The following CNBD1 variants were observed in gnomAD, a reference collection of about 807,000 sequenced individuals.
CNBD1 encodes the protein cyclic nucleotide-binding domain-containing protein 1.
A neutral mutation model predicts 54.4 loss-of-function variants in CNBD1; 71 were observed. The observed-to-expected ratio is 1.30, with a 90% CI of 1.08 to 1.59. The LOEUF is 1.59. CNBD1 is among the 40% of genes most tolerant of loss of function. The pLI is 0.00. For synonymous variants in CNBD1, 182 were observed against 170.7 expected, an observed-to-expected ratio of 1.07 and a Z score of -0.51; for missense variants, 659 against 518.0, an observed-to-expected ratio of 1.27 and a Z score of -2.64.
rs572555873 is a variant in CNBD1 at position 86,918,357 on chromosome 8, T to A, written c.272+13163T>A. Among the ~76,000 whole-genome samples, 3 of 152,316 alleles carry A rather than the reference T, an allele frequency of 2.0e-5. No homozygotes were observed. In the East Asian group the frequency reaches 5.8e-4, roughly 29 times the overall value. ...AGAATATGTTATTAGAACATGTTTC[T>A]TTCCTCACTGGTTCATATTACACAG... On this transcript the variant is annotated intron_variant, in intron 3 of 10. Coordinates refer to ENST00000518476, the MANE Select transcript of CNBD1 (RefSeq NM_173538.3).
intron 4 of CNBD1, among the ~76,000 whole-genome samples, chr8:86,994,617 C>A (rs1808828477): frequency 6.6e-6 from 1 of 152,182 alleles, no homozygotes; most frequent in South Asian, 2.1e-4. Context: ...AGAGTGGGTT[C>A]TTTCTCTGTC....
chr8:86,960,270 A>G (rs1192817660), intron 4 of CNBD1, among the ~76,000 whole-genome samples: 2 of 152,118 alleles, frequency 1.3e-5, no homozygotes, highest in Non-Finnish European at 2.9e-5. Context: ...CTGGAAAATC[A>G]GGACACTCCC....
chr8:87,393,012 G>C (rs1341290111), intron 2 of CNBD1, among the ~76,000 whole-genome samples: 1 of 151,870 alleles, frequency 6.6e-6, no homozygotes, highest in Non-Finnish European at 1.5e-5. Context: ...GATTTATTTA[G>C]AGGTTTTTGA....
chr8:87,168,174 G>T (rs1310712165), intron 4 of CNBD1, among the ~76,000 whole-genome samples: 1 of 151,922 alleles, frequency 6.6e-6, no homozygotes, highest in Non-Finnish European at 1.5e-5. Flanking sequence ...TTGCCTTCTG[G>T]ATCCACACTG....
At chr8:87,329,744 C>A (rs1487313064) in intron 8 of CNBD1, among the ~76,000 whole-genome samples, 1 of 151,842 alleles carries the variant, frequency 6.6e-6, no homozygotes, top group Admixed American at 6.6e-5. Context: ...TGTATATTAA[C>A]CTTGTATCCG....
At chr8:87,054,419 G>T (rs1157333215) in intron 4 of CNBD1, among the ~76,000 whole-genome samples, 2 of 152,132 alleles carry the variant, frequency 1.3e-5, no homozygotes, top group Non-Finnish European at 2.9e-5. Context: ...CCCATTGAGG[G>T]CTATCATTGA....
chr8:87,171,298 T>C (rs1186038053), intron 4 of CNBD1, among the ~76,000 whole-genome samples: 2 of 152,170 alleles, frequency 1.3e-5, no homozygotes, highest in Admixed American at 1.3e-4. Context: ...TTTTGCAATA[T>C]GTTGGTGGCA....
At chr8:86,986,423 G>A (rs1808608917) in intron 4 of CNBD1, among the ~76,000 whole-genome samples, 2 of 152,022 alleles carry the variant, frequency 1.3e-5, no homozygotes, top group Non-Finnish European at 1.5e-5. Context: ...GAACTTTGAT[G>A]GATGCATAGT....
intron 4 of CNBD1, among the ~76,000 whole-genome samples, chr8:87,105,889 G>C (rs895682708): frequency 3.3e-5 from 5 of 152,026 alleles, no homozygotes; most frequent in African/African-American, 1.2e-4. Context: ...CACATTTTGT[G>C]ATTTTTGTCA....
intron 4 of CNBD1, among the ~76,000 whole-genome samples, chr8:87,024,879 T>C (rs1373358314): frequency 6.6e-6 from 1 of 152,178 alleles, no homozygotes. Context: ...AAACTGTTTT[T>C]TGAGAATAAA....
chr8:87,075,088 A>G (rs761173760), intron 4 of CNBD1, among the ~76,000 whole-genome samples: 3 of 152,212 alleles, frequency 2.0e-5, no homozygotes, highest in Non-Finnish European at 4.4e-5. Context: ...TAAATAAGTT[A>G]TTTGTAAAAC....
At chr8:87,186,229 T>C (rs1278352668) in intron 4 of CNBD1, among the ~76,000 whole-genome samples, 1 of 152,138 alleles carries the variant, frequency 6.6e-6, no homozygotes, top group Non-Finnish European at 1.5e-5. Context: ...TTGGCGTATC[T>C]CATTTTCCAT....
chr8:86,920,463 C>A (rs1809253353), intron 3 of CNBD1, among the ~76,000 whole-genome samples: 1 of 152,120 alleles, frequency 6.6e-6, no homozygotes, highest in African/African-American at 2.4e-5. Flanking sequence ...TGGAAGGCAG[C>A]TATGGCCACC....
At chr8:87,272,693 G>T (rs1288733935) in intron 6 of CNBD1, among the ~76,000 whole-genome samples, 1 of 151,886 alleles carries the variant, frequency 6.6e-6, no homozygotes, top group Non-Finnish European at 1.5e-5. Flanking sequence ...ATGAATGATG[G>T]TAATCCATTA....
intron 4 of CNBD1, among the ~76,000 whole-genome samples, chr8:86,944,736 C>T (rs1022506261): frequency 2.0e-5 from 3 of 152,096 alleles, no homozygotes; most frequent in Non-Finnish European, 4.4e-5. Flanking sequence ...TCTCATAGCC[C>T]ATGAAGGGAT....
intron 8 of CNBD1, among the ~76,000 whole-genome samples, chr8:87,342,732 G>A (rs370560091): frequency 1.3e-5 from 2 of 152,128 alleles, no homozygotes; most frequent in Non-Finnish European, 2.9e-5. Context: ...ATTTCAGAAG[G>A]GGAGGGGGCA....
intron 4 of CNBD1, among the ~76,000 whole-genome samples, chr8:86,950,370 T>A (rs1807586952): frequency 6.6e-6 from 1 of 152,128 alleles, no homozygotes; most frequent in African/African-American, 2.4e-5. Flanking sequence ...GCCCAGCCTA[T>A]CAACTGCTTT....
chr8:86,918,435 T>A (rs985455901), intron 3 of CNBD1, among the ~76,000 whole-genome samples: 2 of 152,088 alleles, frequency 1.3e-5, no homozygotes, highest in Non-Finnish European at 2.9e-5. Context: ...TATGATTTGG[T>A]TCTGTCCCCA....
rs919959371 is a variant in CNBD1 at position 87,166,255 on chromosome 8, T to G, written c.432-39738T>G. Among the ~76,000 whole-genome samples the G allele has an allele frequency of 2.6e-5, 4 of 151,942 alleles. No individual in the cohort carries two copies. Among genetic ancestry groups the G allele is most frequent in the African/African-American group, 4.8e-5 (2 of 41,408 alleles). On this transcript the variant is annotated intron_variant, in intron 4 of 10. Coordinates refer to ENST00000518476, the MANE Select transcript of CNBD1 (RefSeq NM_173538.3). This position sits in a 1 kb window ranked among gnomAD's most constrained non-coding sequence, Gnocchi z 4.3. The stretch of plus-strand genomic sequence containing the variant: ...ATACATTCTGTCCCTTTTACACCAC[T>G]GTATCAGTAAGTCTTTTCAGGTCCA...
Sources: gnomAD v4.1 joint callset for allele counts (sites outside exome capture counted in the v4.1 genomes callset) on GRCh38, gnomAD v4.1.1 for gene constraint, Gnocchi (gnomAD v3.1) non-coding constraint, MANE v1.5 for transcripts, NCBI Gene and HGNC (gene_info 2026-07-23, HGNC 2026-07-21) for gene names.